Variants in ATP5PB observed in about 807,000 individuals in gnomAD.
ATP5PB encodes ATP synthase peripheral stalk-membrane subunit b.
A neutral mutation model predicts 34.5 loss-of-function variants in ATP5PB; 21 were observed. The ratio of observed to expected loss-of-function variants is 0.61; its 90% CI spans 0.43 to 0.88. The LOEUF is 0.88. Ranked by LOEUF, ATP5PB falls within the 40% of genes least tolerant of loss-of-function variation. The pLI is 0.00. For missense variants in ATP5PB, 293 were observed against 317.4 expected (o/e 0.92, Z 0.58); for synonymous variants, 108 against 114.1 (o/e 0.95, Z 0.34).
rs142425805 is a variant in ATP5PB, at chr1:111,453,160, G to A, written c.78-1051G>A. ...AAAACTTGAAGGAGACTAAATGACA[G>A]CAGATATAAAGGGACTAGATTTTAT... On this transcript the variant is annotated intron_variant, in intron 2 of 6. Coordinates refer to ENST00000369722, the MANE Select transcript of ATP5PB (RefSeq NM_001688.5). Among the ~76,000 whole-genome samples the A allele has an allele frequency of 3.3e-5, 5 of 152,270 alleles. No individual in the cohort carries two copies. The East Asian group carries it at 9.6e-4, about 29-fold the overall frequency.
At chr1:111,450,128 C>G (rs1459862144) in intron 2 of ATP5PB, among the ~76,000 whole-genome samples, 4 of 152,144 alleles carry the variant, frequency 2.6e-5, no homozygotes, top group Non-Finnish European at 5.9e-5. Flanking sequence ...TCTTCTATAC[C>G]CGCCCTACTC....
chr1:111,449,956 T>G lies in ATP5PB; in HGVS notation c.77+83T>G. 3.2e-6 allele frequency: 5 copies of G among 1,568,800 alleles called. 1 individual carries two copies. The South Asian group carries it at 5.6e-5, about 17-fold the overall frequency. On this transcript the variant is annotated intron_variant, in intron 2 of 6. Coordinates refer to ENST00000369722, the MANE Select transcript of ATP5PB (RefSeq NM_001688.5). ...ATTCCTGCCCCCACCCCCTTAGCTT[T>G]AGGTCAGAAATTTCTTTCCGATAAT...
Position 111,460,996 on chromosome 1 carries a change from T to TG in ATP5PB, c.*3dup. The stretch of plus-strand genomic sequence containing the variant: ...GCTCAAGCACAGCCAGTTATGTAAA[T>TG]GTATCTATCCCAATTGAGACAGCTA... On this transcript the variant is annotated 3_prime_UTR_variant, in exon 7 of 7. Transcript: ENST00000369722. 6.2e-7 allele frequency: 1 copy of TG among 1,611,620 alleles called. No homozygotes were observed. Among genetic ancestry groups the TG allele is most frequent in the Non-Finnish European group, 8.5e-7 (1 of 1,179,382 alleles).
At chr1:111,456,526 G>A (rs1557800812) in intron 4 of ATP5PB, 104 bp from the exon 5 acceptor site, 8 of 1,413,432 alleles carry the variant, frequency 5.7e-6, no homozygotes, top group Non-Finnish European at 7.5e-6. Flanking sequence ...CTTTGTGGGT[G>A]TTTTTACAAA....
rs1653253141 is a variant in ATP5PB, at chr1:111,449,731, C to T, written c.41-106C>T. 7.0e-6 allele frequency: 11 copies of T among 1,577,682 alleles called. No individual in the cohort carries two copies. In the South Asian group the frequency reaches 1.2e-4, roughly 18 times the overall value. On this transcript the variant is annotated intron_variant, in intron 1 of 6. Coordinates refer to ENST00000369722, the MANE Select transcript of ATP5PB (RefSeq NM_001688.5). ...GAAGGGAGCGTGGGGTCTTGAGGGA[C>T]GGGAAAGAGGGGTACATAGGCTTAG...
Position 111,461,157 on chromosome 1 carries a change from G to C in ATP5PB, c.*163G>C. On this transcript the variant is annotated 3_prime_UTR_variant, in exon 7 of 7. Coordinates refer to ENST00000369722, the MANE Select transcript of ATP5PB (RefSeq NM_001688.5). ...ATAGTGAGAGAACGAAATCTCTATC[G>C]GCCAGTCAGATGTTTCTCATCCTTC... 3.4e-6 allele frequency: 2 copies of C among 592,106 alleles called. No homozygotes were observed. The highest frequency in any genetic ancestry group is 6.0e-6 in the Non-Finnish European group (2 of 331,910). The allele number at this position is 592,106 out of a possible 1,614,324, so 36.7% of individuals were successfully genotyped here.
In ATP5PB at chr1:111,449,560, C is replaced by G; in HGVS notation, c.19C>G (p.Leu7Val). The change falls in exon 1 of 7, where the codon CTT becomes GTT. Residue 7 changes from leucine to valine, a missense_variant. Transcript: ENST00000369722. Reference protein sequence around the residue: MLSRVVLSAAATAAPSL... With the variant: MLSRVVVSAAATAAPSL... ...GTTGACCATGCTGTCCCGGGTGGTA[C>G]TTTCCGCCGCCGCCACAGCGGGTAA... is the stretch of plus-strand genomic sequence containing the variant. 1 of 1,610,526 alleles carries G rather than the reference C, an allele frequency of 6.2e-7. No homozygotes were observed. Among genetic ancestry groups the G allele is most frequent in the Non-Finnish European group, 8.5e-7 (1 of 1,177,976 alleles).
chr1:111,452,008 A>AT lies in ATP5PB; in HGVS notation c.77+2137dup, dbSNP rs1477631424. 6.6e-5 allele frequency among the ~76,000 whole-genome samples: 10 copies of AT among 151,910 alleles called. No individual in the cohort carries two copies. In the South Asian group the frequency reaches 1.9e-3, roughly 29 times the overall value. ...GTGGTGTACACCTGTACTCCCAGCT[A>AT]TTGGGAAGGCTGAGGTGGGAGGATG... On this transcript the variant is annotated intron_variant, in intron 2 of 6. Coordinates refer to ENST00000369722, the MANE Select transcript of ATP5PB (RefSeq NM_001688.5).
rs1653242500 is a variant in ATP5PB at position 111,449,538 on chromosome 1, G to A, written c.-4G>A. The A allele has an allele frequency of 1.2e-6, 2 of 1,613,738 alleles. No individual in the cohort carries two copies. The highest frequency in any genetic ancestry group is 1.7e-6 in the Non-Finnish European group (2 of 1,179,878). On this transcript the variant is annotated 5_prime_UTR_variant, in exon 1 of 7. Coordinates refer to ENST00000369722, the MANE Select transcript of ATP5PB (RefSeq NM_001688.5). ...TAAGATTGCTACCTGGACTTTCGTT[G>A]ACCATGCTGTCCCGGGTGGTACTTT...
At chr1:111,456,794 G>C (rs775186141) in intron 5 of ATP5PB, 39 bp downstream of exon 5, 7 of 1,528,640 alleles carry the variant, frequency 4.6e-6, no homozygotes, top group South Asian at 2.6e-5. Context: ...GAAGTTACTT[G>C]TTGTGTGCAT....
chr1:111,449,831 C>T lies in ATP5PB; in HGVS notation c.41-6C>T, dbSNP rs1432056596. The T allele has an allele frequency of 6.8e-6, 11 of 1,614,196 alleles. No individual in the cohort carries two copies. Among genetic ancestry groups the T allele is most frequent in the East Asian group, 2.2e-5 (1 of 44,870 alleles). ...CTTTGCTGACCTTCGCCTTGTCTAT[C>T]TGCAGCCCCCTCTCTGAAGAATGCA... On this transcript the variant is annotated splice_region_variant and splice_polypyrimidine_tract_variant and intron_variant, in intron 1 of 6. Transcript: ENST00000369722.
chr1:111,459,711 T>C, intron 6 of ATP5PB, 75 bp downstream of exon 6: 2 of 1,469,934 alleles, frequency 1.4e-6, no homozygotes, highest in Non-Finnish European at 1.8e-6. Context: ...TTTGTTAAGG[T>C]AGGAATAGCT....
At chr1:111,460,190 G>A (rs1037715282) in intron 6 of ATP5PB, among the ~76,000 whole-genome samples, 2 of 152,046 alleles carry the variant, frequency 1.3e-5, no homozygotes, top group African/African-American at 4.8e-5. Context: ...ACTGAACAAG[G>A]CTATTTCTAA....
chr1:111,457,303 ACT>A (rs892392137), intron 5 of ATP5PB, among the ~76,000 whole-genome samples: 3 of 140,762 alleles, frequency 2.1e-5, no homozygotes, highest in Admixed American at 6.9e-5. Context: ...ACAGAGCAAG[ACT>A]CTCTCAAACA....
In ATP5PB at chr1:111,456,209, A is replaced by G. The variant is rs1293073738; in HGVS notation, c.347A>G (p.Tyr116Cys). Residue 116 changes from tyrosine (Y) to cysteine (C), a missense_variant, in exon 4 of 7, where the codon TAT (tyrosine) becomes TGT (cysteine). Coordinates refer to ENST00000369722, the MANE Select transcript of ATP5PB (RefSeq NM_001688.5). ...LGVMVYGIKK[Y>C]GPFVADFADK... is the part of the protein sequence containing the mutation. ...GTAATGGTCTATGGAATTAAAAAAT[A>G]TGGTCCCTTTGTTGCAGACTTTGCT... 5 of 1,609,848 alleles carry G rather than the reference A, an allele frequency of 3.1e-6. No individual in the cohort carries two copies. Among genetic ancestry groups the G allele is most frequent in the African/African-American group, 2.7e-5 (2 of 74,742 alleles).
chr1:111,452,044 A>G (rs1341678898), intron 2 of ATP5PB, among the ~76,000 whole-genome samples: 1 of 151,980 alleles, frequency 6.6e-6, no homozygotes, highest in Non-Finnish European at 1.5e-5. Context: ...GCTTGAGCCC[A>G]GGAGGTGGAG....
In ATP5PB at chr1:111,451,993, C is replaced by T. The variant is rs575112941; in HGVS notation, c.77+2120C>T. On this transcript the variant is annotated intron_variant, in intron 2 of 6. Coordinates refer to ENST00000369722, the MANE Select transcript of ATP5PB (RefSeq NM_001688.5). ...AATTAGCTGGGCATTGTGGTGTACA[C>T]CTGTACTCCCAGCTATTGGGAAGGC... 9.2e-5 allele frequency among the ~76,000 whole-genome samples: 14 copies of T among 152,116 alleles called. No homozygotes were observed. The South Asian group carries it at 2.9e-3, about 32-fold the overall frequency.
At chr1:111,454,187 C>A in intron 2 of ATP5PB, 24 bp from the exon 3 acceptor site, 1 of 1,543,094 alleles carries the variant, frequency 6.5e-7, no homozygotes, top group Non-Finnish European at 8.7e-7. Context: ...ACAGGCTTTA[C>A]ATTTGTACAA....
Position 111,449,525 on chromosome 1 carries a change from C to T in ATP5PB, c.-17C>T. On this transcript the variant is annotated 5_prime_UTR_variant, in exon 1 of 7. Transcript: ENST00000369722. ...GTCACAGGGACGCTAAGATTGCTAC[C>T]TGGACTTTCGTTGACCATGCTGTCC... 1.2e-6 allele frequency: 2 copies of T among 1,614,032 alleles called. No individual in the cohort carries two copies. Among genetic ancestry groups the T allele is most frequent in the Non-Finnish European group, 1.7e-6 (2 of 1,179,956 alleles).
Sources: gnomAD v4.1 joint callset for allele counts (sites outside exome capture counted in the v4.1 genomes callset) on GRCh38, gnomAD v4.1.1 for gene constraint, MANE v1.5 for transcripts, NCBI Gene and HGNC (gene_info 2026-07-23, HGNC 2026-07-21) for gene names.